SPATA16: variants seen among roughly 807,000 people sequenced by gnomAD.
The protein encoded by SPATA16 is spermatogenesis associated 16, also known as spermatogenesis-associated protein 16.
A neutral mutation model predicts 63.3 loss-of-function variants in SPATA16; 36 were observed. The ratio of observed to expected loss-of-function variants is 0.57; its 90% CI spans 0.44 to 0.75. The LOEUF is 0.75. Ranked by LOEUF, SPATA16 falls within the 30% of genes least tolerant of loss-of-function variation. The pLI is 0.00. For synonymous variants in SPATA16, 203 were observed against 216.7 expected (o/e 0.94, Z 0.56); for missense variants, 646 against 679.3 (o/e 0.95, Z 0.54).
At chr3:172,981,763 C>T (rs1168028405) in intron 4 of SPATA16, among the ~76,000 whole-genome samples, 1 of 152,158 alleles carries the variant, frequency 6.6e-6, no homozygotes, top group African/African-American at 2.4e-5. Context: ...GTGTTTATTG[C>T]TGTCTTCCCT....
At chr3:172,947,441 A>G (rs927757486) in intron 6 of SPATA16, among the ~76,000 whole-genome samples, 4 of 152,176 alleles carry the variant, frequency 2.6e-5, no homozygotes, top group Admixed American at 2.6e-4. Flanking sequence ...CTCTGAGTAC[A>G]TGTGGGTTTG....
chr3:172,893,858 T>C lies in SPATA16; in HGVS notation c.1588-4166A>G, dbSNP rs541064052. 2.0e-5 allele frequency among the ~76,000 whole-genome samples: 3 copies of C among 152,092 alleles called. No individual in the cohort carries two copies. The East Asian group carries it at 5.8e-4, about 29-fold the overall frequency. On this transcript the variant is annotated intron_variant, in intron 10 of 10. Coordinates refer to ENST00000351008, the MANE Select transcript of SPATA16 (RefSeq NM_031955.6). ...TTTAGGCTTCCTATTAAATTTCATG[T>C]AGTCTGAATCAAGGAGAGAGGATTA...
intron 3 of SPATA16, among the ~76,000 whole-genome samples, chr3:173,040,253 T>C (rs1577144222): frequency 6.6e-6 from 1 of 152,266 alleles, no homozygotes; most frequent in Admixed American, 6.6e-5. Context: ...GGATAATATA[T>C]AGCTATATTT....
chr3:173,023,745 CT>C (rs938903203), intron 3 of SPATA16, among the ~76,000 whole-genome samples: 1 of 151,180 alleles, frequency 6.6e-6, no homozygotes, highest in African/African-American at 2.4e-5. Context: ...AATATTTTAA[CT>C]TTTTTAAAAA....
intron 6 of SPATA16, among the ~76,000 whole-genome samples, chr3:172,945,329 A>G (rs1245823642): frequency 6.6e-6 from 1 of 152,196 alleles, no homozygotes; most frequent in Non-Finnish European, 1.5e-5. Flanking sequence ...GCTAATAAGG[A>G]GGAGGCAGAG....
At chr3:172,919,216 A>G (rs886602620) in intron 8 of SPATA16, among the ~76,000 whole-genome samples, 2 of 152,226 alleles carry the variant, frequency 1.3e-5, no homozygotes, top group African/African-American at 2.4e-5. Context: ...CACAGTACAT[A>G]AGGTTTGAAA....
intron 6 of SPATA16, among the ~76,000 whole-genome samples, chr3:172,933,568 A>G (rs949125691): frequency 1.3e-5 from 2 of 152,240 alleles, no homozygotes; most frequent in African/African-American, 2.4e-5. Flanking sequence ...GGCATGGCAG[A>G]GTTAGCGGAA....
At chr3:173,006,306 C>G (rs931384876) in intron 4 of SPATA16, among the ~76,000 whole-genome samples, 3 of 152,194 alleles carry the variant, frequency 2.0e-5, no homozygotes, top group African/African-American at 7.2e-5. Context: ...CTAGAACACA[C>G]TAAACTGCCC....
intron 2 of SPATA16, among the ~76,000 whole-genome samples, chr3:173,116,105 T>A: frequency 6.6e-6 from 1 of 152,174 alleles, no homozygotes; most frequent in East Asian, 1.9e-4. Flanking sequence ...TTACCCAGAC[T>A]GGTCCAGAAT....
At chr3:173,075,145 A>T (rs1374190602) in intron 2 of SPATA16, among the ~76,000 whole-genome samples, 1 of 149,482 alleles carries the variant, frequency 6.7e-6, no homozygotes, top group Non-Finnish European at 1.5e-5. Context: ...CTAAAATAAA[A>T]GTTGAAATTA....
At chr3:173,063,922 A>T (rs1736450604) in intron 2 of SPATA16, among the ~76,000 whole-genome samples, 1 of 152,238 alleles carries the variant, frequency 6.6e-6, no homozygotes, top group South Asian at 2.1e-4. Context: ...TGAATTGGGC[A>T]GCCTCCCAAG....
At chr3:173,075,873 T>A (rs1736789901) in intron 2 of SPATA16, among the ~76,000 whole-genome samples, 1 of 152,284 alleles carries the variant, frequency 6.6e-6, no homozygotes. Flanking sequence ...AGGATGACTA[T>A]AATTAATAAT....
At chr3:172,942,930 G>A (rs536861365) in intron 6 of SPATA16, among the ~76,000 whole-genome samples, 124 of 152,252 alleles carry the variant, frequency 8.1e-4, no homozygotes, top group African/African-American at 2.8e-3. Flanking sequence ...ATTTAAGTAA[G>A]TCATGGCTCA....
At chr3:173,109,192 C>A (rs1240264805) in intron 2 of SPATA16, among the ~76,000 whole-genome samples, 1 of 152,220 alleles carries the variant, frequency 6.6e-6, no homozygotes, top group East Asian at 1.9e-4. Flanking sequence ...GCCTACCTCC[C>A]GACCCTCATT....
chr3:173,054,995 C>T (rs536959362), intron 2 of SPATA16, among the ~76,000 whole-genome samples: 59 of 152,230 alleles, frequency 3.9e-4, no homozygotes, highest in African/African-American at 1.3e-3. Context: ...ACAAAAGACA[C>T]GAGCAACCAT....
intron 6 of SPATA16, among the ~76,000 whole-genome samples, chr3:172,932,554 C>G (rs142576950): frequency 3.1e-4 from 47 of 152,206 alleles, no homozygotes; most frequent in Non-Finnish European, 6.0e-4. Flanking sequence ...CAATCGTGTT[C>G]TGAGTTTTAT....
chr3:173,017,797 A>G (rs189015872), intron 4 of SPATA16, among the ~76,000 whole-genome samples: 6 of 152,314 alleles, frequency 3.9e-5, no homozygotes, highest in African/African-American at 9.6e-5. Context: ...AATGGAGGCT[A>G]TTTTGCAGAT....
chr3:172,930,645 A>G (rs1417186206), intron 6 of SPATA16, among the ~76,000 whole-genome samples: 1 of 129,026 alleles, frequency 7.8e-6, no homozygotes, highest in Non-Finnish European at 1.5e-5. Flanking sequence ...TGCAAGCTCC[A>G]CCTCCTGGGT....
intron 3 of SPATA16, among the ~76,000 whole-genome samples, chr3:173,041,104 C>A (rs1421490077): frequency 2.6e-5 from 4 of 152,018 alleles, no homozygotes; most frequent in Admixed American, 6.6e-5. Context: ...GGGGGGAATA[C>A]AATAGCAAGA....
Sources: allele counts gnomAD v4.1 joint callset (sites outside exome capture counted in the v4.1 genomes callset), GRCh38; gene constraint gnomAD v4.1.1; transcripts MANE v1.5; gene names NCBI Gene and HGNC (gene_info 2026-07-23, HGNC 2026-07-21).